Variants in IPMK observed in about 807,000 individuals in gnomAD.
The protein encoded by IPMK is inositol polyphosphate multikinase, also known as inositol 1,3,4,6-tetrakisphosphate 5-kinase.
Under a neutral mutation model 45.8 loss-of-function variants are expected in IPMK, and 17 were observed. The observed-to-expected ratio is 0.37, with a 90% CI of 0.25 to 0.56. The LOEUF (loss-of-function observed/expected upper bound fraction) is 0.56. IPMK is among the 20% of genes least tolerant of loss of function. The pLI, the probability that IPMK is intolerant of heterozygous loss-of-function variation, is 0.79. For synonymous variants in IPMK, 180 were observed against 184.3 expected (o/e 0.98, Z 0.19); for missense variants, 399 against 498.0 (o/e 0.80, Z 1.89).
At position 58,216,211 on chromosome 10, in the gene IPMK, C is replaced by T. The variant is rs1246634623; in HGVS notation, c.480G>A (p.Lys160=). ...GGTACTTGCTGACCTGTTGCTGAAT[C>T]TTCTCAGATGAGGCAAAAGGATCAT... ...KSYDPFASSE[K]IQQQVSKYPL... Residue 160 remains lysine, a synonymous_variant, in exon 4 of 6, where the codon AAG becomes AAA. Coordinates refer to ENST00000373935, the MANE Select transcript of IPMK (RefSeq NM_152230.5). The T allele has an allele frequency of 6.2e-7, 1 of 1,612,456 alleles. No individual in the cohort carries two copies. The highest frequency in any genetic ancestry group is 1.7e-5 in the Admixed American group (1 of 59,766).
chr10:58,267,755 G>C lies in IPMK; in HGVS notation c.-144C>G, dbSNP rs1276342632. On this transcript the variant is annotated 5_prime_UTR_variant, in exon 1 of 6. Coordinates refer to ENST00000373935, the MANE Select transcript of IPMK (RefSeq NM_152230.5). ...GCGGCTGGTGCCCTCTGAAGCGCGG[G>C]GAGGGGGCCCATGACGCCGCCGGGG... The C allele has an allele frequency of 6.9e-6, 4 of 582,340 alleles. No individual in the cohort carries two copies. Among genetic ancestry groups the C allele is most frequent in the Admixed American group, 3.3e-5 (1 of 30,516 alleles). The allele number at this position is 582,340 out of a possible 1,614,324, so 36.1% of individuals were successfully genotyped here.
intron 5 of IPMK, among the ~76,000 whole-genome samples, chr10:58,197,563 C>T (rs1348498401): frequency 5.4e-5 from 8 of 149,230 alleles, no homozygotes; most frequent in African/African-American, 1.5e-4. Flanking sequence ...GGCAGGAGAA[C>T]GGCGTGAACC....
At chr10:58,248,743 CCAT>C (rs1564538934) in intron 1 of IPMK, among the ~76,000 whole-genome samples, 1 of 152,178 alleles carries the variant, frequency 6.6e-6, no homozygotes. Flanking sequence ...CTCTCTACCA[CCAT>C]GAGATCAATG....
intron 1 of IPMK, among the ~76,000 whole-genome samples, chr10:58,259,928 A>G (rs990637873): frequency 6.6e-6 from 1 of 152,180 alleles, no homozygotes; most frequent in African/African-American, 2.4e-5. Context: ...GAGTCTGTCA[A>G]ATATTATCAA....
intron 4 of IPMK, among the ~76,000 whole-genome samples, chr10:58,204,717 C>T (rs962439446): frequency 2.0e-5 from 3 of 152,066 alleles, no homozygotes; most frequent in African/African-American, 7.2e-5. Context: ...ATTGCTTGAG[C>T]CCAGCAGTTC....
At chr10:58,212,674 G>T in intron 4 of IPMK, 1 of 244,964 alleles carries the variant, frequency 4.1e-6, no homozygotes, top group South Asian at 6.7e-5. Flanking sequence ...CAATCAGCAA[G>T]GATGTGCAGC....
intron 5 of IPMK, among the ~76,000 whole-genome samples, chr10:58,197,536 G>C (rs1274250184): frequency 6.6e-6 from 1 of 151,478 alleles, no homozygotes; most frequent in Non-Finnish European, 1.5e-5. Flanking sequence ...TGTAGTCCTA[G>C]ATACTCGGGA....
At chr10:58,199,364 G>C (rs757561342) in intron 4 of IPMK, 43 bp from the exon 5 acceptor site, 1 of 1,329,050 alleles carries the variant, frequency 7.5e-7, no homozygotes, top group Non-Finnish European at 1.0e-6. Flanking sequence ...AATACTCCTT[G>C]ACCATGTGGG....
At chr10:58,218,584 A>G (rs1838283565) in intron 3 of IPMK, among the ~76,000 whole-genome samples, 1 of 152,218 alleles carries the variant, frequency 6.6e-6, no homozygotes, top group South Asian at 2.1e-4. Context: ...ATTATCATTA[A>G]TTTAGACTCA....
intron 1 of IPMK, among the ~76,000 whole-genome samples, chr10:58,256,499 A>T (rs1329667677): frequency 6.6e-6 from 1 of 152,176 alleles, no homozygotes; most frequent in Non-Finnish European, 1.5e-5. Flanking sequence ...TGGGACATGG[A>T]ACCTCATCAG....
intron 4 of IPMK, among the ~76,000 whole-genome samples, chr10:58,210,867 G>A (rs934206962): frequency 6.6e-6 from 1 of 152,124 alleles, no homozygotes; most frequent in Non-Finnish European, 1.5e-5. Flanking sequence ...TGGTTTTCCT[G>A]GTACTTTCCT....
rs1394190186 is a variant in IPMK, at chr10:58,208,844, G to A, written c.546+7301C>T. ...CTGCATAGGCAGCAGATGTCGCTAA[G>A]GCAGGTGAGTAGATGTAATACCCAA... On this transcript the variant is annotated intron_variant, in intron 4 of 5. Transcript: ENST00000373935. Among the ~76,000 whole-genome samples, 4 of 152,336 alleles carry A rather than the reference G, an allele frequency of 2.6e-5. No individual in the cohort carries two copies. The East Asian group carries it at 7.7e-4, about 29-fold the overall frequency.
chr10:58,252,610 T>G (rs1266789385), intron 1 of IPMK, among the ~76,000 whole-genome samples: 2 of 137,286 alleles, frequency 1.5e-5, no homozygotes, highest in African/African-American at 5.8e-5. Flanking sequence ...AGTTTTCTTT[T>G]CTTTTTTTTT....
At chr10:58,243,793 A>T (rs1423122185) in intron 1 of IPMK, among the ~76,000 whole-genome samples, 2 of 151,964 alleles carry the variant, frequency 1.3e-5, no homozygotes, top group Admixed American at 6.5e-5. Flanking sequence ...CCGCCACCCC[A>T]TCTAGGAAGT....
intron 5 of IPMK, among the ~76,000 whole-genome samples, chr10:58,197,300 A>AAAATAAATACATAAAT (rs1837913004): frequency 2.4e-5 from 2 of 83,288 alleles, no homozygotes; most frequent in African/African-American, 9.4e-5. Flanking sequence ...CTCCGTCTCA[A>AAAATAAATACATAAAT]AAATAAATAA....
Position 58,237,654 on chromosome 10 carries a change from G to A in IPMK, c.276+75C>T, listed in dbSNP as rs1347593309. The A allele has an allele frequency of 1.2e-5, 13 of 1,066,072 alleles. No individual in the cohort carries two copies. The East Asian group carries it at 2.6e-4, about 21-fold the overall frequency. The allele number at this position is 1,066,072 out of a possible 1,614,324, so 66.0% of individuals were successfully genotyped here. ...ACAGTGACTATGCTGTCAAATATGT[G>A]TCTTACTGTGAGTCACCACCAGAAA... On this transcript the variant is annotated intron_variant, in intron 2 of 5. Transcript: ENST00000373935.
rs1837833617 is a variant in IPMK, at chr10:58,192,597, C to T, written c.*3479G>A. The T allele has an allele frequency of 6.6e-6, 1 of 151,942 alleles. No homozygotes were observed. Among genetic ancestry groups the T allele is most frequent in the Admixed American group, 6.6e-5 (1 of 15,238 alleles). The allele number at this position is 151,942 out of a possible 1,614,324, so 9.4% of individuals were successfully genotyped here. A position where few individuals can be genotyped will look rare whatever the true frequency, so the allele number is the denominator to read the frequency against. ...TTTAATTAAGTCCCCAATCCCACCC[C>T]ATCCAAAGAGAATGCTGAAAATGGT... On this transcript the variant is annotated 3_prime_UTR_variant, in exon 6 of 6. Transcript: ENST00000373935.
intron 2 of IPMK, among the ~76,000 whole-genome samples, chr10:58,232,209 T>C (rs1369339832): frequency 6.6e-6 from 1 of 152,094 alleles, no homozygotes; most frequent in Non-Finnish European, 1.5e-5. Flanking sequence ...AAAAAGAGAC[T>C]TAGACCCCCA....
chr10:58,243,780 C>T (rs891585949), intron 1 of IPMK, among the ~76,000 whole-genome samples: 1 of 152,256 alleles, frequency 6.6e-6, no homozygotes, highest in African/African-American at 2.4e-5. Context: ...AGCCTCTGCC[C>T]ACCCGCCACC....
Sources: gnomAD v4.1 joint callset for allele counts (sites outside exome capture counted in the v4.1 genomes callset) on GRCh38, gnomAD v4.1.1 for gene constraint, MANE v1.5 for transcripts, NCBI Gene and HGNC (gene_info 2026-07-23, HGNC 2026-07-21) for gene names.